The following ADGRL3 variants were observed in gnomAD, a reference collection of about 807,000 sequenced individuals.
The protein encoded by ADGRL3 is calcium-independent alpha-latrotoxin receptor 3.
Under a neutral mutation model 153.5 loss-of-function variants are expected in ADGRL3, and 62 were observed. The ratio of observed to expected loss-of-function variants is 0.40; its 90% confidence interval spans 0.33 to 0.50. ADGRL3 has a LOEUF of 0.50. Ranked by LOEUF, ADGRL3 falls within the 20% of genes least tolerant of loss-of-function variation. The pLI is 0.47. For synonymous variants in ADGRL3, 710 were observed against 672.5 expected (o/e 1.06, Z -0.86); for missense variants, 1,641 against 1,859.4 (o/e 0.88, Z 2.16).
chr4:61,303,698 G>C (rs1040475925), intron 1 of ADGRL3, among the ~76,000 whole-genome samples: 2 of 152,056 alleles, frequency 1.3e-5, no homozygotes, highest in Admixed American at 1.3e-4. Flanking sequence ...TTTAAAGTTA[G>C]TACAGCTTTC....
At chr4:61,984,246 A>T (rs572115286) in intron 19 of ADGRL3, among the ~76,000 whole-genome samples, 1 of 152,344 alleles carries the variant, frequency 6.6e-6, no homozygotes, top group South Asian at 2.1e-4. Context: ...AGAAGAGATT[A>T]GAAAGTAAAC....
intron 5 of ADGRL3, among the ~76,000 whole-genome samples, chr4:61,647,704 GAA>G (rs1580075518): frequency 2.0e-5 from 3 of 151,990 alleles, no homozygotes; most frequent in Non-Finnish European, 2.9e-5. Flanking sequence ...TTATCAATAA[GAA>G]TGCAAAAATT....
intron 1 of ADGRL3, among the ~76,000 whole-genome samples, chr4:61,214,612 C>T (rs1741757212): frequency 6.6e-6 from 1 of 152,050 alleles, no homozygotes; most frequent in Non-Finnish European, 1.5e-5. Context: ...CTAGGTGTAA[C>T]CTCAGTTAGA....
chr4:61,930,806 T>C (rs1329593177), intron 13 of ADGRL3, among the ~76,000 whole-genome samples: 1 of 152,054 alleles, frequency 6.6e-6, no homozygotes, highest in Non-Finnish European at 1.5e-5. Flanking sequence ...GAGTATACTG[T>C]ACAATGAAAA....
intron 6 of ADGRL3, among the ~76,000 whole-genome samples, chr4:61,686,615 T>G (rs2095448709): frequency 6.6e-6 from 1 of 152,110 alleles, no homozygotes; most frequent in South Asian, 2.1e-4. Context: ...ATACAGCACT[T>G]CAGAAATTAA....
chr4:62,060,369 C>T (rs553272748), intron 25 of ADGRL3, among the ~76,000 whole-genome samples: 15 of 151,908 alleles, frequency 9.9e-5, no homozygotes, highest in Admixed American at 5.3e-4. Flanking sequence ...AAGGGAAATA[C>T]GGAGAGATGC....
chr4:61,484,651 CA>C (rs1206398247), intron 2 of ADGRL3, among the ~76,000 whole-genome samples: 1 of 151,932 alleles, frequency 6.6e-6, no homozygotes, highest in African/African-American at 2.4e-5. Flanking sequence ...AAGAACCCTT[CA>C]AAAAAGCTGT....
intron 9 of ADGRL3, among the ~76,000 whole-genome samples, chr4:61,816,231 C>T (rs1474069791): frequency 2.0e-5 from 3 of 152,138 alleles, no homozygotes; most frequent in African/African-American, 7.2e-5. Context: ...TACTCCAAAA[C>T]TTAGTGACTT....
chr4:61,400,375 A>G (rs1193852447), intron 2 of ADGRL3, among the ~76,000 whole-genome samples: 2 of 151,814 alleles, frequency 1.3e-5, no homozygotes, highest in Non-Finnish European at 2.9e-5. Context: ...AGGAAAAAAT[A>G]CCCCAAAAAC....
intron 25 of ADGRL3, among the ~76,000 whole-genome samples, chr4:62,047,415 G>A (rs1004874651): frequency 6.6e-6 from 1 of 151,874 alleles, no homozygotes; most frequent in African/African-American, 2.4e-5. Context: ...GATCCATTAG[G>A]AATAAAGAAT....
At position 61,626,369 on chromosome 4, in the gene ADGRL3, A is replaced by G. The variant is rs114927444; in HGVS notation, c.473+38929A>G. ...AAACGCAAAATTTAGGTAAGAACCA[A>G]GTTGGTGTTATTGACTGTATGCCAT... On this transcript the variant is annotated intron_variant, in intron 5 of 26. Coordinates refer to ENST00000683033, the MANE Select transcript of ADGRL3 (RefSeq NM_001387552.1). Among the ~76,000 whole-genome samples, 140 of 152,128 alleles carry G rather than the reference A, an allele frequency of 9.2e-4. 2 individuals carry two copies. Among genetic ancestry groups the G allele is most frequent in the African/African-American group, 3.3e-3 (136 of 41,558 alleles).
intron 5 of ADGRL3, among the ~76,000 whole-genome samples, chr4:61,629,766 AT>A (rs2093048637): frequency 8.2e-6 from 1 of 121,918 alleles, no homozygotes; most frequent in Non-Finnish European, 1.7e-5. Flanking sequence ...AAAAAAAAAA[AT>A]TCCAAGTCAT....
chr4:62,038,651 G>T (rs759369951), intron 24 of ADGRL3, among the ~76,000 whole-genome samples: 1 of 152,102 alleles, frequency 6.6e-6, no homozygotes, highest in Non-Finnish European at 1.5e-5. Context: ...GCCCAGGCTG[G>T]AGTGCAGTGG....
intron 9 of ADGRL3, among the ~76,000 whole-genome samples, chr4:61,868,256 A>AT (rs956590538): frequency 1.3e-5 from 2 of 151,604 alleles, no homozygotes; most frequent in African/African-American, 4.9e-5. Context: ...GTTTCTGTAG[A>AT]TTTTTTTTTC....
chr4:61,571,545 C>G (rs994294740), intron 4 of ADGRL3, among the ~76,000 whole-genome samples: 1 of 151,790 alleles, frequency 6.6e-6, no homozygotes, highest in Non-Finnish European at 1.5e-5. Flanking sequence ...ACCTGAGGAA[C>G]CTGGGGAGTT....
intron 1 of ADGRL3, among the ~76,000 whole-genome samples, chr4:61,224,659 G>C (rs1046673880): frequency 6.6e-6 from 1 of 152,188 alleles, no homozygotes; most frequent in African/African-American, 2.4e-5. Flanking sequence ...ACAACTGCTT[G>C]CTTGAGGCCA....
At chr4:61,772,149 C>T (rs1561223452) in intron 8 of ADGRL3, among the ~76,000 whole-genome samples, 1 of 152,116 alleles carries the variant, frequency 6.6e-6, no homozygotes, top group Admixed American at 6.5e-5. Context: ...GTACTTAGAA[C>T]CAAATTTGTG....
intron 8 of ADGRL3, among the ~76,000 whole-genome samples, chr4:61,778,908 A>G (rs2097182759): frequency 6.6e-6 from 1 of 152,068 alleles, no homozygotes; most frequent in Non-Finnish European, 1.5e-5. Flanking sequence ...AAATACAAAA[A>G]TTAGCTGGGC....
At chr4:61,652,999 T>G (rs1056477928) in intron 5 of ADGRL3, among the ~76,000 whole-genome samples, 2 of 152,072 alleles carry the variant, frequency 1.3e-5, no homozygotes, top group Non-Finnish European at 2.9e-5. Flanking sequence ...GTTGAAACAC[T>G]AAACCCCAAT....
Sources: gnomAD v4.1 joint callset for allele counts (sites outside exome capture counted in the v4.1 genomes callset) on GRCh38, gnomAD v4.1.1 for gene constraint, MANE v1.5 for transcripts, NCBI Gene and HGNC (gene_info 2026-07-23, HGNC 2026-07-21) for gene names.